XPNPEP3: variants seen among roughly 807,000 people sequenced by gnomAD.
The protein encoded by XPNPEP3 is xaa-Pro aminopeptidase 3.
A neutral mutation model predicts 60.0 loss-of-function variants in XPNPEP3; 41 were observed. The observed-to-expected ratio is 0.68, with a 90% CI of 0.53 to 0.89. The LOEUF is 0.89. XPNPEP3 is among the 40% of genes least tolerant of loss of function. The probability of loss-of-function intolerance (pLI) is 0.00; values close to 1 mark genes in which losing one functional copy is unlikely to be tolerated. For missense variants in XPNPEP3, 598 were observed against 638.9 expected (o/e 0.94, Z 0.69); for synonymous variants, 212 against 223.2 (o/e 0.95, Z 0.45).
chr22:40,926,585 TGG>T lies in XPNPEP3; in HGVS notation c.*155_*156del. On this transcript the variant is annotated 3_prime_UTR_variant, in exon 10 of 10. Coordinates refer to ENST00000357137, the MANE Select transcript of XPNPEP3 (RefSeq NM_022098.4). ...CTGTGTGAATGTATGTAATTGTGTG[TGG>T]GGGGTTTTTTGTTTTAAGTAGTTAG... 9.6e-7 allele frequency: 1 copy of T among 1,040,792 alleles called. No individual in the cohort carries two copies. The highest frequency in any genetic ancestry group is 1.5e-6 in the Non-Finnish European group (1 of 684,468). The allele number at this position is 1,040,792 out of a possible 1,614,324, so 64.5% of individuals were successfully genotyped here. A position where few individuals can be genotyped will look rare whatever the true frequency, so the allele number is the denominator to read the frequency against.
intron 4 of XPNPEP3, among the ~76,000 whole-genome samples, chr22:40,892,969 C>T (rs1211028997): frequency 6.6e-6 from 1 of 151,770 alleles, no homozygotes; most frequent in East Asian, 1.9e-4. Flanking sequence ...AGACAGCATT[C>T]TGTCATCATA....
Position 40,928,346 on chromosome 22 carries a change from ACAGGTGCACGCTGC to A in XPNPEP3, c.*1914_*1927del, listed in dbSNP as rs2058243017. The A allele has an allele frequency of 6.6e-6, 1 of 152,020 alleles. No homozygotes were observed. Among genetic ancestry groups the A allele is most frequent in the Admixed American group, 6.6e-5 (1 of 15,244 alleles). The allele number at this position is 152,020 out of a possible 1,614,324, so 9.4% of individuals were successfully genotyped here. ...CTCAGCCTCCCAAGTAACTGGGACT[ACAGGTGCACGCTGC>A]CATGCCCAGCTAATTTTTTGTATTT... On this transcript the variant is annotated 3_prime_UTR_variant, in exon 10 of 10. Coordinates refer to ENST00000357137, the MANE Select transcript of XPNPEP3 (RefSeq NM_022098.4).
Position 40,914,267 on chromosome 22 carries a change from G to A in XPNPEP3, c.998G>A (p.Gly333Asp). ...KDGEMVLLDG[G>D]CESSCYVSDI... ...GGGGAAATGGTGCTTCTGGATGGAG[G>A]TTGTGAGTCTTCCTGCTATGTGAGT... Residue 333 changes from glycine (G) to aspartate (D), a missense_variant, in exon 7 of 10, where the codon GGT (glycine) becomes GAT (aspartate). Coordinates refer to ENST00000357137, the MANE Select transcript of XPNPEP3 (RefSeq NM_022098.4). The A allele has an allele frequency of 6.2e-7, 1 of 1,614,058 alleles. No homozygotes were observed. The highest frequency in any genetic ancestry group is 8.5e-7 in the Non-Finnish European group (1 of 1,179,996).
At chr22:40,875,962 G>A (rs1204947707) in intron 2 of XPNPEP3, among the ~76,000 whole-genome samples, 6 of 152,248 alleles carry the variant, frequency 3.9e-5, no homozygotes, top group African/African-American at 1.4e-4. Flanking sequence ...AGAGGTTGCA[G>A]TGAGCTAAGA....
intron 6 of XPNPEP3, among the ~76,000 whole-genome samples, chr22:40,912,631 G>A (rs1472599010): frequency 6.6e-6 from 1 of 152,172 alleles, no homozygotes; most frequent in Non-Finnish European, 1.5e-5. Flanking sequence ...CACTTTGGGA[G>A]GCTGAGGCAG....
chr22:40,915,586 A>G (rs143505782), intron 7 of XPNPEP3, among the ~76,000 whole-genome samples: 62 of 152,128 alleles, frequency 4.1e-4, no homozygotes, highest in Non-Finnish European at 7.5e-4. Flanking sequence ...AATGGATAAA[A>G]ATGGTGATAA....
intron 4 of XPNPEP3, among the ~76,000 whole-genome samples, chr22:40,901,426 G>T (rs555035470): frequency 6.6e-6 from 1 of 151,800 alleles, no homozygotes; most frequent in East Asian, 1.9e-4. Context: ...GTAGAGATGG[G>T]GTTTCTCCAT....
Position 40,926,309 on chromosome 22 carries a change from G to A in XPNPEP3, c.1398G>A (p.Lys466=). Residue 466 remains lysine (K), a synonymous_variant, in exon 10 of 10, where the codon AAG becomes AAA. Transcript: ENST00000357137. The part of the protein sequence containing the change: ...IPEDDKDAPE[K]FRGLGVRIED... ...AGGATGACAAAGATGCCCCAGAGAA[G>A]TTTCGGGGTCTTGGTGTACGAATTG... 1 of 1,614,176 alleles carries A rather than the reference G, an allele frequency of 6.2e-7. No homozygotes were observed. Among genetic ancestry groups the A allele is most frequent in the Non-Finnish European group, 8.5e-7 (1 of 1,180,034 alleles).
chr22:40,890,372 A>AC (rs933668285), intron 4 of XPNPEP3, among the ~76,000 whole-genome samples: 54 of 150,076 alleles, frequency 3.6e-4, no homozygotes, highest in South Asian at 3.4e-3. Flanking sequence ...ACATGGAGAG[A>AC]CCCCCCCATC....
chr22:40,924,982 A>T (rs1302397495), intron 9 of XPNPEP3, among the ~76,000 whole-genome samples: 1 of 152,206 alleles, frequency 6.6e-6, no homozygotes, highest in Non-Finnish European at 1.5e-5. Flanking sequence ...CAGATGGGGA[A>T]TACTTCCTAT....
In XPNPEP3 at chr22:40,931,952, T is replaced by C. The variant is rs1360479613; in HGVS notation, c.*5517T>C. 1.3e-5 allele frequency: 2 copies of C among 152,174 alleles called. No homozygotes were observed. The highest frequency in any genetic ancestry group is 2.9e-5 in the Non-Finnish European group (2 of 68,028). 9.4% of individuals were successfully genotyped at this position (152,174 alleles called of 1,614,324 possible). A position where few individuals can be genotyped will look rare whatever the true frequency, so the allele number is the denominator to read the frequency against. ...CTCCATCTAAAGACATTGCAACTTA[T>C]TAAAACAGAAAAATGTACCTTTGTT... On this transcript the variant is annotated 3_prime_UTR_variant, in exon 10 of 10. Coordinates refer to ENST00000357137, the MANE Select transcript of XPNPEP3 (RefSeq NM_022098.4).
rs886057509 is a variant in XPNPEP3 at position 40,926,520 on chromosome 22, G to T, written c.*85G>T. 6.7e-7 allele frequency: 1 copy of T among 1,483,940 alleles called. No homozygotes were observed. The highest frequency in any genetic ancestry group is 9.4e-7 in the Non-Finnish European group (1 of 1,064,328). The allele number at this position is 1,483,940 out of a possible 1,614,324, so 91.9% of individuals were successfully genotyped here. The stretch of plus-strand genomic sequence containing the variant: ...ACGTGTGCTTTCTGAGTGTCTCTGT[G>T]TGTGCATTAATATATGCATTCCATT... On this transcript the variant is annotated 3_prime_UTR_variant, in exon 10 of 10. Coordinates refer to ENST00000357137, the MANE Select transcript of XPNPEP3 (RefSeq NM_022098.4).
chr22:40,899,518 A>G (rs906042156), intron 4 of XPNPEP3, among the ~76,000 whole-genome samples: 14 of 152,134 alleles, frequency 9.2e-5, no homozygotes, highest in Admixed American at 8.5e-4. Flanking sequence ...ATGGATATCC[A>G]TATGCAAAAG....
chr22:40,862,110 T>A, intron 1 of XPNPEP3: 1 of 1,497,618 alleles, frequency 6.7e-7, no homozygotes, highest in Non-Finnish European at 8.9e-7. Context: ...TACACTTTTA[T>A]GTTAAAGACA....
intron 1 of XPNPEP3, chr22:40,862,749 T>A (rs924679806): frequency 1.1e-5 from 11 of 985,318 alleles, no homozygotes; most frequent in African/African-American, 1.7e-5. Flanking sequence ...TAATTAAAGA[T>A]TTGGAAAGTT....
intron 4 of XPNPEP3, among the ~76,000 whole-genome samples, chr22:40,901,843 T>C (rs1294537867): frequency 6.6e-6 from 1 of 152,102 alleles, no homozygotes; most frequent in African/African-American, 2.4e-5. Context: ...TATCAGGGAA[T>C]AGGGTGAGAG....
In XPNPEP3 at chr22:40,889,517, A is replaced by G. The variant is rs528296203; in HGVS notation, c.792+3002A>G. ...GACAACAGTTACTTCACTTCTCAAT[A>G]TCATATAGATAATCAAAATACATAG... On this transcript the variant is annotated intron_variant, in intron 4 of 9. Coordinates refer to ENST00000357137, the MANE Select transcript of XPNPEP3 (RefSeq NM_022098.4). Among the ~76,000 whole-genome samples the G allele has an allele frequency of 3.3e-5, 5 of 152,360 alleles. No individual in the cohort carries two copies. In the East Asian group the frequency reaches 9.6e-4, roughly 29 times the overall value.
At chr22:40,910,849 C>CA (rs775746469) in intron 6 of XPNPEP3, among the ~76,000 whole-genome samples, 15 of 151,076 alleles carry the variant, frequency 9.9e-5, no homozygotes, top group African/African-American at 3.2e-4. Context: ...ACTAAAAATA[C>CA]AAAAAAAAAT....
At chr22:40,862,375 C>T (rs553541460) in intron 1 of XPNPEP3, 167 of 1,000,146 alleles carry the variant, frequency 1.7e-4, no homozygotes, top group Admixed American at 2.4e-4. Context: ...CAGCATATCC[C>T]TTGCATAATA....
Sources: allele counts gnomAD v4.1 joint callset (sites outside exome capture counted in the v4.1 genomes callset), GRCh38; gene constraint gnomAD v4.1.1; transcripts MANE v1.5; gene names NCBI Gene and HGNC (gene_info 2026-07-23, HGNC 2026-07-21).